The following HAVCR1 variants were observed in gnomAD, a reference collection of about 807,000 sequenced individuals.
HAVCR1 encodes the protein T cell immunoglobin domain and mucin domain protein 1.
In HAVCR1, 34 loss-of-function variants were observed where a neutral mutation model predicts 32.0. That is an observed-to-expected ratio of 1.06 (90% CI 0.81 to 1.42). The LOEUF (loss-of-function observed/expected upper bound fraction) is 1.42, where lower values mean the gene tolerates loss of function less well. HAVCR1 is among the 40% of genes most tolerant of loss of function. The pLI, the probability that HAVCR1 is intolerant of heterozygous loss-of-function variation, is 0.00. For synonymous variants in HAVCR1, 178 were observed against 170.3 expected (o/e 1.05, Z -0.35); for missense variants, 420 against 442.3 (o/e 0.95, Z 0.45).
At chr5:157,059,931 A>T (rs1756436238), upstream of HAVCR1, among the ~76,000 whole-genome samples, 1 of 152,112 alleles carries the variant, frequency 6.6e-6, no homozygotes, top group Non-Finnish European at 1.5e-5. Context: ...GGAGGCTATG[A>T]TTGTGCCACT....
intron 7 of HAVCR1, among the ~76,000 whole-genome samples, chr5:157,033,755 C>T (rs903569950): frequency 6.6e-6 from 1 of 152,202 alleles, no homozygotes; most frequent in Admixed American, 6.5e-5. Flanking sequence ...CATCACTTTT[C>T]TCTCCCCTAA....
chr5:157,040,490 T>C (rs1036774376), intron 6 of HAVCR1, among the ~76,000 whole-genome samples: 1 of 152,274 alleles, frequency 6.6e-6, no homozygotes, highest in Non-Finnish European at 1.5e-5. Flanking sequence ...CGCCATGTAA[T>C]GGCATTCACA....
intron 2 of HAVCR1, among the ~76,000 whole-genome samples, chr5:157,057,461 A>AAGAG (rs1161892477): frequency 7.7e-6 from 1 of 129,744 alleles, no homozygotes; most frequent in Non-Finnish European, 1.7e-5. Context: ...GAAAGAAAGA[A>AAGAG]AGAGAATTGA....
At chr5:157,057,247 C>T (rs562792253) in intron 2 of HAVCR1, among the ~76,000 whole-genome samples, 2 of 150,924 alleles carry the variant, frequency 1.3e-5, no homozygotes, top group South Asian at 4.2e-4. Flanking sequence ...ACCCAGGAGG[C>T]GGAGGCTGCA....
intron 7 of HAVCR1, among the ~76,000 whole-genome samples, chr5:157,033,127 C>T (rs1754271447): frequency 2.0e-5 from 3 of 150,776 alleles, no homozygotes; most frequent in South Asian, 2.1e-4. Flanking sequence ...TCCTCCCTAA[C>T]TTTAATGCAA....
At chr5:157,062,427 A>G (rs1756508944), upstream of HAVCR1, among the ~76,000 whole-genome samples, 1 of 152,112 alleles carries the variant, frequency 6.6e-6, no homozygotes, top group African/African-American at 2.4e-5. Context: ...TCTTGCAATC[A>G]CCACTTACTT....
chr5:157,030,522 T>G (rs1754111910), intron 8 of HAVCR1, among the ~76,000 whole-genome samples: 2 of 151,968 alleles, frequency 1.3e-5, no homozygotes, highest in South Asian at 4.2e-4. Flanking sequence ...GTGTGGTGGC[T>G]TGTGCCCATA....
chr5:157,041,720 T>A (rs1754905434), intron 6 of HAVCR1, among the ~76,000 whole-genome samples: 1 of 152,196 alleles, frequency 6.6e-6, no homozygotes. Context: ...CTATTGATAA[T>A]TGAATTCCTC....
chr5:157,031,990 C>T (rs754684852), intron 8 of HAVCR1, among the ~76,000 whole-genome samples: 1 of 152,142 alleles, frequency 6.6e-6, no homozygotes, highest in Non-Finnish European at 1.5e-5. Flanking sequence ...GCACTCCCTG[C>T]CCCTGCAGCC....
At chr5:157,038,460 ACTT>A (rs1370536905) in intron 6 of HAVCR1, among the ~76,000 whole-genome samples, 2 of 152,348 alleles carry the variant, frequency 1.3e-5, no homozygotes, top group East Asian at 3.9e-4. Context: ...CAGGTCTTCT[ACTT>A]AGTCACTATG....
chr5:157,064,339 C>CAAA, the HAVCR1 span, among the ~76,000 whole-genome samples: 7,151 of 63,188 alleles, frequency 0.11, 702 homozygotes, highest in African/African-American at 0.3. Flanking sequence ...CCTGTCTCTA[C>CAAA]AAAAAAAAAA....
chr5:157,044,395 AGGAAGGAAGGAAGGAAGGAAGGAAGG>A (rs1436330903), intron 5 of HAVCR1, among the ~76,000 whole-genome samples: 11 of 46,460 alleles, frequency 2.4e-4, no homozygotes, highest in South Asian at 9.4e-4. Context: ...GAAGGAAGGA[AGGAAGGAAGGAAGGAAGGAAGGAAGG>A]AGAAAGAAAG....
At chr5:157,046,760 T>C (rs937693209) in intron 5 of HAVCR1, among the ~76,000 whole-genome samples, 1 of 152,166 alleles carries the variant, frequency 6.6e-6, no homozygotes, top group African/African-American at 2.4e-5. Context: ...GTCAAACAAG[T>C]TCCCTTGGGC....
chr5:157,029,453 A>G lies in HAVCR1; in HGVS notation c.*280T>C, dbSNP rs1754035121. 4 of 657,288 alleles carry G rather than the reference A, an allele frequency of 6.1e-6. No homozygotes were observed. The highest frequency in any genetic ancestry group is 5.2e-6 in the Non-Finnish European group (2 of 384,948). 40.7% of individuals were successfully genotyped at this position (657,288 alleles called of 1,614,324 possible). On this transcript the variant is annotated 3_prime_UTR_variant, in exon 9 of 9. Coordinates refer to ENST00000523175, the MANE Select transcript of HAVCR1 (RefSeq NM_001173393.3). Reference sequence around the variant, plus strand: ...ACAGGATTTATGGGGTCTAAAAAGAACATACAATTATAAAGTGTTCATATT... The same window carrying G: ...ACAGGATTTATGGGGTCTAAAAAGAGCATACAATTATAAAGTGTTCATATT...
At chr5:157,034,299 G>A (rs1480129706) in intron 7 of HAVCR1, among the ~76,000 whole-genome samples, 1 of 151,932 alleles carries the variant, frequency 6.6e-6, no homozygotes, top group Non-Finnish European at 1.5e-5. Context: ...ATAAGTTTAA[G>A]GAAAGGTGCT....
intron 7 of HAVCR1, 121 bp downstream of exon 7, chr5:157,037,126 G>A (rs1754582616): frequency 1.4e-6 from 1 of 710,596 alleles, no homozygotes; most frequent in Non-Finnish European, 2.6e-6. Context: ...TACAAATGAG[G>A]ATTTGGGGAG....
chr5:157,062,590 GT>G (rs1756511687), upstream of HAVCR1, among the ~76,000 whole-genome samples: 1 of 151,970 alleles, frequency 6.6e-6, no homozygotes, highest in South Asian at 2.1e-4. Context: ...GTACCTGTCA[GT>G]CTCTCCCTCA....
rs746952635 is a variant in HAVCR1 at position 157,052,658 on chromosome 5, G to T, written c.380-4C>A. Reference sequence around the variant, plus strand: ...ATTGGAGTAGTCGTGACCTTGGCTGGAGTCAGAAATCAACATGAGAGTGAG... The same window carrying T: ...ATTGGAGTAGTCGTGACCTTGGCTGTAGTCAGAAATCAACATGAGAGTGAG... On this transcript the variant is annotated splice_polypyrimidine_tract_variant and splice_region_variant and intron_variant, in intron 3 of 8. Transcript: ENST00000523175. 6 of 1,612,072 alleles carry T rather than the reference G, an allele frequency of 3.7e-6. No individual in the cohort carries two copies. In the African/African-American group the frequency reaches 8.0e-5, roughly 22 times the overall value.
intron 4 of HAVCR1, among the ~76,000 whole-genome samples, chr5:157,050,892 C>A (rs1755695910): frequency 6.6e-6 from 1 of 152,198 alleles, no homozygotes; most frequent in Non-Finnish European, 1.5e-5. Flanking sequence ...CCTGGTTAAA[C>A]ACACAATTCA....
Sources: allele counts gnomAD v4.1 joint callset (sites outside exome capture counted in the v4.1 genomes callset), GRCh38; gene constraint gnomAD v4.1.1; transcripts MANE v1.5; gene names NCBI Gene and HGNC (gene_info 2026-07-23, HGNC 2026-07-21).